Variants in AK8 observed in about 807,000 individuals in gnomAD.
AK8 encodes the protein adenylate kinase 8.
A neutral mutation model predicts 54.6 loss-of-function variants in AK8; 44 were observed. The ratio of observed to expected loss-of-function variants is 0.81; its 90% CI spans 0.63 to 1.04. AK8 has a LOEUF of 1.04. Among genes scored for constraint, AK8 ranks in the 50% least tolerant of loss-of-function variants. The pLI, the probability that AK8 is intolerant of heterozygous loss-of-function variation, is 0.00. For missense variants in AK8, 555 were observed against 613.6 expected (o/e 0.90, Z 1.01); for synonymous variants, 239 against 245.6 (o/e 0.97, Z 0.25).
At chr9:132,859,962 C>T (rs115146679) in intron 4 of AK8, among the ~76,000 whole-genome samples, 64 of 152,074 alleles carry the variant, frequency 4.2e-4, no homozygotes, top group African/African-American at 1.5e-3. Context: ...TCACGGTGTT[C>T]GGCGAGAGGA....
intron 11 of AK8, among the ~76,000 whole-genome samples, chr9:132,744,948 C>T (rs989158876): frequency 2.6e-5 from 4 of 152,170 alleles, no homozygotes; most frequent in African/African-American, 4.8e-5. Flanking sequence ...CATATGAATC[C>T]GCCAGTCACT....
At chr9:132,786,648 G>A (rs992066446) in intron 11 of AK8, among the ~76,000 whole-genome samples, 1 of 152,186 alleles carries the variant, frequency 6.6e-6, no homozygotes, top group East Asian at 1.9e-4. Flanking sequence ...CCACCCTACA[G>A]TGAAGACTAA....
intron 11 of AK8, among the ~76,000 whole-genome samples, chr9:132,749,864 G>A (rs1298210646): frequency 6.6e-6 from 1 of 151,424 alleles, no homozygotes. Context: ...GAGAACAGAC[G>A]CTGCTGCAGG....
chr9:132,732,209 G>C (rs1836876843), intron 11 of AK8, among the ~76,000 whole-genome samples: 1 of 151,908 alleles, frequency 6.6e-6, no homozygotes, highest in Non-Finnish European at 1.5e-5. Context: ...ATTAAACAAT[G>C]TTTTTTTCCA....
chr9:132,794,763 G>T (rs1025715252), intron 10 of AK8, among the ~76,000 whole-genome samples: 1 of 152,154 alleles, frequency 6.6e-6, no homozygotes. Flanking sequence ...AGACTTTGGG[G>T]AAGCCAGGTT....
At chr9:132,748,694 G>T (rs1564380259) in intron 11 of AK8, among the ~76,000 whole-genome samples, 1 of 151,884 alleles carries the variant, frequency 6.6e-6, no homozygotes, top group Non-Finnish European at 1.5e-5. Flanking sequence ...TCTGCCCGTG[G>T]TACTTGGGGT....
intron 5 of AK8, among the ~76,000 whole-genome samples, chr9:132,829,985 C>T (rs1467555898): frequency 6.6e-6 from 1 of 152,206 alleles, no homozygotes; most frequent in East Asian, 1.9e-4. Flanking sequence ...CCACTGTCAA[C>T]ATTCTGGTAT....
chr9:132,830,611 C>T (rs763539261), intron 5 of AK8, among the ~76,000 whole-genome samples: 3 of 152,066 alleles, frequency 2.0e-5, no homozygotes, highest in Non-Finnish European at 4.4e-5. Context: ...CCCTTGGGGT[C>T]GCATCCTTTT....
At chr9:132,818,973 G>C (rs1451653309) in intron 9 of AK8, among the ~76,000 whole-genome samples, 1 of 152,144 alleles carries the variant, frequency 6.6e-6, no homozygotes, top group Non-Finnish European at 1.5e-5. Flanking sequence ...TCATAAGAAA[G>C]TTAGAGAAAC....
chr9:132,815,093 G>C (rs142618739), intron 9 of AK8, among the ~76,000 whole-genome samples: 1 of 152,328 alleles, frequency 6.6e-6, no homozygotes, highest in Non-Finnish European at 1.5e-5. Flanking sequence ...GAGGATCAGC[G>C]TTCTGGCCGG....
Position 132,860,838 on chromosome 9 carries a change from T to C in AK8, c.333+2827A>G, listed in dbSNP as rs555074074. Among the ~76,000 whole-genome samples the C allele has an allele frequency of 1.7e-4, 26 of 152,328 alleles. No individual in the cohort carries two copies. In the South Asian group the frequency reaches 4.3e-3, roughly 25 times the overall value. ...GGTCTCCTGGGTGGGCTGCTGCAGATTGTGGGGCAGAGTCTTATGTTTACA... is the reference window on the plus strand; with the variant it reads ...GGTCTCCTGGGTGGGCTGCTGCAGACTGTGGGGCAGAGTCTTATGTTTACA... On this transcript the variant is annotated intron_variant, in intron 4 of 12. Coordinates refer to ENST00000298545, the MANE Select transcript of AK8 (RefSeq NM_152572.3). The surrounding 1 kb of genome is among the most constrained non-coding windows in gnomAD (Gnocchi z 4.4).
chr9:132,831,541 C>T (rs769282966), intron 5 of AK8, among the ~76,000 whole-genome samples: 3 of 152,182 alleles, frequency 2.0e-5, no homozygotes, highest in Non-Finnish European at 2.9e-5. Flanking sequence ...TGCTTCAAGT[C>T]TCCATTGTGT....
chr9:132,865,829 A>G (rs1843570660), intron 3 of AK8, among the ~76,000 whole-genome samples: 1 of 151,458 alleles, frequency 6.6e-6, no homozygotes, highest in South Asian at 2.1e-4. Context: ...AAAAATAAAA[A>G]TAAAAAATAA....
intron 9 of AK8, among the ~76,000 whole-genome samples, chr9:132,822,688 A>G (rs1166422727): frequency 1.3e-5 from 2 of 152,148 alleles, no homozygotes; most frequent in African/African-American, 4.8e-5. Flanking sequence ...AGCTGATTTC[A>G]ATATTTTCTC....
At chr9:132,795,236 C>T (rs943113414) in intron 10 of AK8, among the ~76,000 whole-genome samples, 2 of 152,194 alleles carry the variant, frequency 1.3e-5, no homozygotes, top group African/African-American at 2.4e-5. Flanking sequence ...GAGTCAGAGT[C>T]GGTTCCTTCC....
At chr9:132,776,309 C>G (rs980275365) in intron 11 of AK8, among the ~76,000 whole-genome samples, 3 of 152,214 alleles carry the variant, frequency 2.0e-5, no homozygotes, top group Non-Finnish European at 4.4e-5. Context: ...GATGACCCAG[C>G]CACCGCCTCC....
intron 12 of AK8, among the ~76,000 whole-genome samples, chr9:132,727,073 T>C (rs1220050480): frequency 6.6e-6 from 1 of 152,020 alleles, no homozygotes; most frequent in East Asian, 1.9e-4. Flanking sequence ...AAAGGCAACT[T>C]GTGCCCATGG....
In AK8 at chr9:132,748,157, C is replaced by T. The variant is rs559089035; in HGVS notation, c.1122-20623G>A. Among the ~76,000 whole-genome samples the T allele has an allele frequency of 1.8e-4, 27 of 151,922 alleles. 2 individuals are homozygous for T. The highest frequency in any genetic ancestry group is 2.7e-4 in the Non-Finnish European group (18 of 67,856). ...ACAAGAACAGGTTTATTGTTAAAGACGGAAAAGTGTGCATTTTCAGCTACA... is the reference window on the plus strand; with the variant it reads ...ACAAGAACAGGTTTATTGTTAAAGATGGAAAAGTGTGCATTTTCAGCTACA... On this transcript the variant is annotated intron_variant, in intron 11 of 12. Coordinates refer to ENST00000298545, the MANE Select transcript of AK8 (RefSeq NM_152572.3).
At chr9:132,769,491 G>C (rs542244848) in intron 11 of AK8, 1 of 152,408 alleles carries the variant, frequency 6.6e-6, no homozygotes, top group South Asian at 2.1e-4. Flanking sequence ...GGCAGGAGGA[G>C]CGCAGTCACT....
Sources: allele counts gnomAD v4.1 joint callset (sites outside exome capture counted in the v4.1 genomes callset), GRCh38; gene constraint gnomAD v4.1.1; non-coding constraint Gnocchi (gnomAD v3.1); transcripts MANE v1.5; gene names NCBI Gene and HGNC (gene_info 2026-07-23, HGNC 2026-07-21).